TENM3: variants seen among roughly 807,000 people sequenced by gnomAD.
TENM3 encodes teneurin transmembrane protein 3.
TENM3 carries 63 observed loss-of-function variants against 255.1 expected under a neutral mutation model. That is an observed-to-expected ratio of 0.25 (90% CI 0.20 to 0.30). The LOEUF (loss-of-function observed/expected upper bound fraction) is 0.30, where lower values mean the gene tolerates loss of function less well. Among genes scored for constraint, TENM3 ranks in the 10% least tolerant of loss-of-function variants. The pLI, the probability that TENM3 is intolerant of heterozygous loss-of-function variation, is 1.00. For synonymous variants in TENM3, 1,306 were observed against 1,322.3 expected, an observed-to-expected ratio of 0.99 and a Z score of 0.27; for missense variants, 2,929 against 3,461.1, an observed-to-expected ratio of 0.85 and a Z score of 3.86.
the TENM3 span, among the ~76,000 whole-genome samples, chr4:181,941,203 A>G: frequency 1.3e-5 from 2 of 152,220 alleles, no homozygotes; most frequent in East Asian, 3.9e-4. Context: ...GTTCACTTCT[A>G]TAATCTGAAA....
At chr4:182,232,230 C>A (rs566370760) in intron 1 of TENM3, among the ~76,000 whole-genome samples, 3 of 152,176 alleles carry the variant, frequency 2.0e-5, no homozygotes, top group Admixed American at 2.0e-4. Flanking sequence ...CCGTAACTCT[C>A]ACTTCTCACT....
intron 1 of TENM3, among the ~76,000 whole-genome samples, chr4:182,219,278 G>A (rs2726813): frequency 6.6e-6 from 1 of 151,912 alleles, no homozygotes; most frequent in East Asian, 1.9e-4. Context: ...TGAAGAGAGC[G>A]AAGTAATTGA....
chr4:182,048,391 T>C, the TENM3 span, among the ~76,000 whole-genome samples: 1 of 152,212 alleles, frequency 6.6e-6, no homozygotes, highest in African/African-American at 2.4e-5. Context: ...CCTCCTTAGT[T>C]CACCGATTTT....
At position 182,800,140 on chromosome 4, in the gene TENM3, C is replaced by T; in HGVS notation, c.7889C>T (p.Ala2630Val). 1 of 1,455,576 alleles carries T rather than the reference C, an allele frequency of 6.9e-7. No individual in the cohort carries two copies. 90.2% of individuals were successfully genotyped at this position (1,455,576 alleles called of 1,614,324 possible). The change falls in exon 28 of 28, where the codon GCC becomes GTC. Residue 2630 changes from alanine (A) to valine (V), a missense_variant. By Grantham distance (64) the Ala-to-Val change is moderately conservative (BLOSUM62 0). Transcript: ENST00000511685. ...GAGCAGGCGCGGCAGCGCGCGCTCG[C>T]CCGGGCCTGGGCGCGCGAGCAGCAG... ...ILEQARQRAL[A>V]RAWAREQQRV...
the TENM3 span, among the ~76,000 whole-genome samples, chr4:181,773,750 G>A: frequency 8.2e-4 from 125 of 152,118 alleles, 1 homozygote; most frequent in South Asian, 0.025. Flanking sequence ...ATTCTATTAG[G>A]TTGTGTTTAT....
the TENM3 span, among the ~76,000 whole-genome samples, chr4:181,947,240 G>A: frequency 6.6e-6 from 1 of 152,170 alleles, no homozygotes; most frequent in Non-Finnish European, 1.5e-5. Flanking sequence ...GGATGAGGAA[G>A]TACTATGCTA....
At chr4:181,630,608 T>C in the TENM3 span, among the ~76,000 whole-genome samples, 4 of 152,210 alleles carry the variant, frequency 2.6e-5, 1 homozygote, top group South Asian at 6.2e-4. Flanking sequence ...CCAGTAGTCA[T>C]TCAGGAGCAG....
At chr4:181,842,110 A>C in the TENM3 span, among the ~76,000 whole-genome samples, 1 of 152,200 alleles carries the variant, frequency 6.6e-6, no homozygotes, top group Admixed American at 6.5e-5. Context: ...AACATTTATA[A>C]GCATTGTTAC....
chr4:181,968,813 T>C, the TENM3 span, among the ~76,000 whole-genome samples: 1 of 152,112 alleles, frequency 6.6e-6, no homozygotes, highest in African/African-American at 2.4e-5. Flanking sequence ...ACAGGGTAGA[T>C]CTTATATTAA....
chr4:182,739,176 A>C (rs913553408), intron 18 of TENM3, among the ~76,000 whole-genome samples: 3 of 152,186 alleles, frequency 2.0e-5, no homozygotes, highest in African/African-American at 7.2e-5. Context: ...AGCAAGAATC[A>C]AAAGCGTTCC....
At chr4:181,577,777 T>G in the TENM3 span, among the ~76,000 whole-genome samples, 1 of 143,776 alleles carries the variant, frequency 7.0e-6, no homozygotes, top group East Asian at 2.0e-4. Context: ...TGAGAGTTCT[T>G]TCTTTCTACT....
At chr4:182,318,064 G>T (rs530163020) in intron 1 of TENM3, among the ~76,000 whole-genome samples, 2 of 152,270 alleles carry the variant, frequency 1.3e-5, no homozygotes, top group Non-Finnish European at 2.9e-5. Context: ...TTGAAGTCTG[G>T]TTATTGTGGG....
the TENM3 span, among the ~76,000 whole-genome samples, chr4:181,651,751 CT>C: frequency 1.3e-5 from 2 of 152,120 alleles, no homozygotes; most frequent in East Asian, 3.9e-4. Context: ...TGGGATTATG[CT>C]GGTGTTGTGT....
the TENM3 span, among the ~76,000 whole-genome samples, chr4:181,885,032 C>T: frequency 6.6e-6 from 1 of 151,960 alleles, no homozygotes; most frequent in Non-Finnish European, 1.5e-5. Context: ...CTCAAAGGGG[C>T]GTCATGTGAA....
At chr4:182,798,039 T>A (rs1207701513) in intron 27 of TENM3, among the ~76,000 whole-genome samples, 1 of 152,206 alleles carries the variant, frequency 6.6e-6, no homozygotes, top group African/African-American at 2.4e-5. Flanking sequence ...CATATATATT[T>A]TTTTTTAATT....
chr4:182,160,277 CAGGCGT>C (rs1246049743), intron 1 of TENM3, among the ~76,000 whole-genome samples: 5 of 152,100 alleles, frequency 3.3e-5, no homozygotes, highest in Admixed American at 6.5e-5. Flanking sequence ...GCTGGGATTA[CAGGCGT>C]GAGCCACCGC....
chr4:182,369,393 C>T (rs552418606), intron 3 of TENM3, among the ~76,000 whole-genome samples: 4 of 152,284 alleles, frequency 2.6e-5, no homozygotes, highest in African/African-American at 7.2e-5. Context: ...TTCTAAAACC[C>T]GCTGAGTAAA....
chr4:182,292,194 T>C (rs1761175417), intron 1 of TENM3, among the ~76,000 whole-genome samples: 1 of 152,136 alleles, frequency 6.6e-6, no homozygotes, highest in Admixed American at 6.5e-5. Context: ...TAAAAAAATG[T>C]AGGATATTAG....
chr4:181,631,690 A>G, the TENM3 span, among the ~76,000 whole-genome samples: 2 of 152,132 alleles, frequency 1.3e-5, no homozygotes, highest in East Asian at 3.9e-4. Flanking sequence ...GTGACCTTAA[A>G]TGCATCTGTG....
Sources: gnomAD v4.1 joint callset for allele counts (sites outside exome capture counted in the v4.1 genomes callset) on GRCh38, gnomAD v4.1.1 for gene constraint, MANE v1.5 for transcripts, NCBI Gene and HGNC (gene_info 2026-07-23, HGNC 2026-07-21) for gene names.